SLC4A8: variants seen among roughly 807,000 people sequenced by gnomAD.
The protein encoded by SLC4A8 is solute carrier family 4 member 8.
A neutral mutation model predicts 125.0 loss-of-function variants in SLC4A8; 40 were observed. The ratio of observed to expected loss-of-function variants is 0.32; its 90% CI spans 0.25 to 0.42. The LOEUF (loss-of-function observed/expected upper bound fraction) is 0.42, where lower values mean the gene tolerates loss of function less well. Ranked by LOEUF, SLC4A8 falls within the 10% of genes least tolerant of loss-of-function variation. The probability of loss-of-function intolerance (pLI) is 1.00; values close to 1 mark genes in which losing one functional copy is unlikely to be tolerated. For synonymous variants in SLC4A8, 456 were observed against 476.0 expected, an observed-to-expected ratio of 0.96 and a Z score of 0.55; for missense variants, 863 against 1,355.1, an observed-to-expected ratio of 0.64 and a Z score of 5.70.
intron 4 of SLC4A8, 125 bp downstream of exon 4, chr12:51,452,384 C>T (rs2138192303): frequency 9.4e-7 from 1 of 1,062,100 alleles, no homozygotes; most frequent in Non-Finnish European, 1.4e-6. Flanking sequence ...TGGGGACTGA[C>T]ATTCCAGTGT....
At chr12:51,416,995 C>T (rs1405301161) in intron 1 of SLC4A8, among the ~76,000 whole-genome samples, 2 of 152,196 alleles carry the variant, frequency 1.3e-5, no homozygotes, top group African/African-American at 4.8e-5. Context: ...CACGAGTGTG[C>T]CTGTAGTGTC....
chr12:51,414,703 A>G (rs1168302319), intron 1 of SLC4A8, among the ~76,000 whole-genome samples: 1 of 152,200 alleles, frequency 6.6e-6, no homozygotes, highest in East Asian at 1.9e-4. Flanking sequence ...TACTACCTCA[A>G]AAAAATAGTG....
intron 9 of SLC4A8, chr12:51,461,628 T>C (rs147948095): frequency 1.7e-3 from 383 of 219,540 alleles, no homozygotes; most frequent in Admixed American, 3.6e-3. Flanking sequence ...TCAAGCTATT[T>C]ACATAAAGAA....
chr12:51,398,327 C>A (rs1948304920), intron 1 of SLC4A8, among the ~76,000 whole-genome samples: 1 of 152,128 alleles, frequency 6.6e-6, no homozygotes, highest in Admixed American at 6.5e-5. Context: ...ATAACCGAAG[C>A]CTCCTAATAT....
intron 1 of SLC4A8, among the ~76,000 whole-genome samples, chr12:51,396,215 T>C (rs1178995153): frequency 6.6e-6 from 1 of 152,272 alleles, no homozygotes; most frequent in Admixed American, 6.5e-5. Flanking sequence ...GTTTTTCTTC[T>C]TTCCTTCCTC....
chr12:51,400,726 TTATATATATATATATATATATA>T (rs869058430), intron 1 of SLC4A8, among the ~76,000 whole-genome samples: 5,998 of 41,792 alleles, frequency 0.14, 744 homozygotes, highest in Admixed American at 0.19. Context: ...ATGAACTCCT[TTATATATATATATATATATATA>T]TATATATATA....
intron 16 of SLC4A8, among the ~76,000 whole-genome samples, chr12:51,481,706 G>A (rs1212605312): frequency 6.6e-6 from 1 of 152,094 alleles, no homozygotes; most frequent in African/African-American, 2.4e-5. Context: ...ACTTTGGGAA[G>A]TTGAGGCGGG....
intron 23 of SLC4A8, 41 bp downstream of exon 23, chr12:51,504,161 T>C: frequency 8.3e-7 from 1 of 1,203,354 alleles, no homozygotes; most frequent in Admixed American, 2.0e-5. Context: ...TTTGGGTTAT[T>C]CTCTAAGTGT....
intron 1 of SLC4A8, among the ~76,000 whole-genome samples, chr12:51,406,830 C>T (rs1291935981): frequency 1.3e-5 from 2 of 152,208 alleles, no homozygotes; most frequent in Admixed American, 1.3e-4. Flanking sequence ...TGGCAGGGCT[C>T]ATTGCAGCAG....
intron 1 of SLC4A8, among the ~76,000 whole-genome samples, chr12:51,431,175 T>G (rs540078944): frequency 6.6e-6 from 1 of 152,340 alleles, no homozygotes; most frequent in Admixed American, 6.5e-5. Flanking sequence ...TGTCATCACA[T>G]TTTTCTCTGA....
intron 22 of SLC4A8, among the ~76,000 whole-genome samples, chr12:51,499,031 A>G (rs1937714207): frequency 6.6e-6 from 1 of 151,162 alleles, no homozygotes; most frequent in Admixed American, 6.6e-5. Flanking sequence ...AATACAAAAA[A>G]GTAGCCAAGT....
intron 1 of SLC4A8, among the ~76,000 whole-genome samples, chr12:51,396,733 A>C (rs2137913815): frequency 6.6e-6 from 1 of 152,038 alleles, no homozygotes; most frequent in East Asian, 1.9e-4. Context: ...AGCCTAAGGA[A>C]AAAAGAAAAA....
intron 23 of SLC4A8, among the ~76,000 whole-genome samples, chr12:51,505,491 G>A (rs774453879): frequency 6.6e-5 from 10 of 152,358 alleles, no homozygotes; most frequent in Admixed American, 3.9e-4. Context: ...CAAGTGCTCC[G>A]TAAGTGGTAG....
chr12:51,466,883 C>A lies in SLC4A8; in HGVS notation c.1350-2731C>A, dbSNP rs372942495. 9.9e-5 allele frequency among the ~76,000 whole-genome samples: 15 copies of A among 152,206 alleles called. No homozygotes were observed. In the East Asian group the frequency reaches 2.5e-3, roughly 25 times the overall value. Reference sequence around the variant, plus strand: ...CTTTTGTCTGTTGCTCACAGACACTCCTGTCCTCCTGTGTCTAGGGGCTGA... The same window carrying A: ...CTTTTGTCTGTTGCTCACAGACACTACTGTCCTCCTGTGTCTAGGGGCTGA... On this transcript the variant is annotated intron_variant, in intron 11 of 24. Transcript: ENST00000453097.
At chr12:51,439,743 A>G (rs1283411208) in intron 1 of SLC4A8, among the ~76,000 whole-genome samples, 2 of 152,220 alleles carry the variant, frequency 1.3e-5, no homozygotes, top group East Asian at 3.8e-4. Context: ...AAAGGGAACT[A>G]GCTACCTGAA....
In SLC4A8 at chr12:51,461,309, T is replaced by C. The variant is rs1215023768; in HGVS notation, c.1101+18T>C. On this transcript the variant is annotated intron_variant, in intron 9 of 24. Transcript: ENST00000453097. ...CAGATGAGGTATGTGCAACTTTTGC[T>C]TCAGTCTTCCATCTCATAAATATTT... 1 of 1,397,608 alleles carries C rather than the reference T, an allele frequency of 7.2e-7. No individual in the cohort carries two copies. The highest frequency in any genetic ancestry group is 1.0e-6 in the Non-Finnish European group (1 of 982,874). 86.6% of individuals were successfully genotyped at this position (1,397,608 alleles called of 1,614,324 possible). A position where few individuals can be genotyped will look rare whatever the true frequency, so the allele number is the denominator to read the frequency against.
In SLC4A8 at chr12:51,508,891, A is replaced by G. The variant is rs545230223; in HGVS notation, c.*1453A>G. ...TTCTTTCTTAGGTGAAGGGTTGGCT[A>G]TATCACTTTATTGAATTTTGCATTC... On this transcript the variant is annotated 3_prime_UTR_variant, in exon 25 of 25. Transcript: ENST00000453097. 6.6e-6 allele frequency: 1 copy of G among 152,386 alleles called. No individual in the cohort carries two copies. Among genetic ancestry groups the G allele is most frequent in the South Asian group, 2.1e-4 (1 of 4,820 alleles). The allele number at this position is 152,386 out of a possible 1,614,324, so 9.4% of individuals were successfully genotyped here.
intron 1 of SLC4A8, among the ~76,000 whole-genome samples, chr12:51,425,863 G>GT (rs1464265317): frequency 1.3e-5 from 2 of 152,238 alleles, no homozygotes; most frequent in Non-Finnish European, 2.9e-5. Flanking sequence ...TCACAGGGTT[G>GT]TTTTGAGGAT....
intron 16 of SLC4A8, among the ~76,000 whole-genome samples, chr12:51,475,570 T>C (rs1211181880): frequency 1.3e-5 from 2 of 152,238 alleles, no homozygotes; most frequent in East Asian, 1.9e-4. Flanking sequence ...TAAATTGTCA[T>C]TGTGACCTTG....
Sources: allele counts gnomAD v4.1 joint callset (sites outside exome capture counted in the v4.1 genomes callset), GRCh38; gene constraint gnomAD v4.1.1; transcripts MANE v1.5; gene names NCBI Gene and HGNC (gene_info 2026-07-23, HGNC 2026-07-21).